Variants in CACNA1C observed in about 807,000 individuals in gnomAD.
CACNA1C encodes voltage-dependent L-type calcium channel subunit alpha-1C.
CACNA1C carries 30 observed loss-of-function variants against 229.0 expected under a neutral mutation model. The ratio of observed to expected loss-of-function variants is 0.13; its 90% CI spans 0.10 to 0.18. CACNA1C has a LOEUF of 0.18. Ranked by LOEUF, CACNA1C falls within the 10% of genes least tolerant of loss-of-function variation. CACNA1C has a pLI of 1.00. For synonymous variants in CACNA1C, 1,114 were observed against 1,132.5 expected (o/e 0.98, Z 0.33); for missense variants, 1,658 against 2,845.0 (o/e 0.58, Z 9.49).
intron 3 of CACNA1C, among the ~76,000 whole-genome samples, chr12:2,391,160 C>A (rs1161428433): frequency 6.6e-6 from 1 of 152,196 alleles, no homozygotes; most frequent in Admixed American, 6.5e-5. Context: ...GGTTTCCCTT[C>A]ATTGAGACAG....
At chr12:2,006,844 A>T (rs1222090155) in intron 1 of CACNA1C, among the ~76,000 whole-genome samples, 1 of 152,208 alleles carries the variant, frequency 6.6e-6, no homozygotes, top group Non-Finnish European at 1.5e-5. Context: ...AACTAGAATA[A>T]ATGTTTCAAT....
chr12:2,351,000 C>T (rs2097187227), intron 3 of CACNA1C, among the ~76,000 whole-genome samples: 2 of 152,248 alleles, frequency 1.3e-5, no homozygotes, highest in South Asian at 4.1e-4. Flanking sequence ...GCAGCTCCAG[C>T]CACTGGCCCT....
At chr12:2,490,090 G>A (rs1286524615) in intron 6 of CACNA1C, among the ~76,000 whole-genome samples, 1 of 152,194 alleles carries the variant, frequency 6.6e-6, no homozygotes, top group Non-Finnish European at 1.5e-5. Context: ...GATCATCACT[G>A]CTTCTTAATT....
intron 3 of CACNA1C, among the ~76,000 whole-genome samples, chr12:2,419,389 A>T (rs1046599082): frequency 6.6e-6 from 1 of 152,134 alleles, no homozygotes; most frequent in African/African-American, 2.4e-5. Context: ...TCCCAAGGAC[A>T]GCACCAAGAC....
chr12:2,489,636 C>T (rs1431610210), intron 6 of CACNA1C, among the ~76,000 whole-genome samples: 2 of 152,198 alleles, frequency 1.3e-5, no homozygotes, highest in Non-Finnish European at 2.9e-5. Flanking sequence ...ATGAAATCAT[C>T]TTCATTCTAT....
chr12:2,469,388 G>A (rs182871610), intron 5 of CACNA1C, among the ~76,000 whole-genome samples: 41 of 152,310 alleles, frequency 2.7e-4, no homozygotes, highest in African/African-American at 9.6e-4. Context: ...CATCTATGCC[G>A]CATTGTGTTG....
At position 2,666,794 on chromosome 12, in the gene CACNA1C, CG is replaced by C; in HGVS notation, c.4623+16del. ...GCGTGGCTTGCAAAGTAAGAGATAA[CG>C]GGGTTCATGGGAGGGAGAGGGAAAA... On this transcript the variant is annotated intron_variant, in intron 37 of 46. Coordinates refer to ENST00000399655, the MANE Select transcript of CACNA1C (RefSeq NM_000719.7). The surrounding 1 kb of genome is among the most constrained non-coding windows in gnomAD (Gnocchi z 5.3). 3.2e-6 allele frequency: 5 copies of C among 1,547,988 alleles called. No homozygotes were observed. The highest frequency in any genetic ancestry group is 8.8e-7 in the Non-Finnish European group (1 of 1,130,564).
intron 7 of CACNA1C, among the ~76,000 whole-genome samples, chr12:2,500,553 AG>A (rs1486637972): frequency 6.6e-6 from 1 of 152,134 alleles, no homozygotes; most frequent in Non-Finnish European, 1.5e-5. Flanking sequence ...CCCAGGCTCC[AG>A]AGGCAGCTTT....
chr12:2,588,678 C>T (rs1197368215), intron 18 of CACNA1C, among the ~76,000 whole-genome samples: 1 of 152,200 alleles, frequency 6.6e-6, no homozygotes, highest in Non-Finnish European at 1.5e-5. Flanking sequence ...CTGAAAAGCT[C>T]GCCAGCTGCT....
intron 10 of CACNA1C, among the ~76,000 whole-genome samples, chr12:2,555,263 C>A (rs964215008): frequency 1.3e-5 from 2 of 152,212 alleles, no homozygotes; most frequent in Admixed American, 6.5e-5. Context: ...ACTTGTGACC[C>A]GCTTGCACTG....
chr12:2,435,292 G>A (rs895049495), intron 3 of CACNA1C, among the ~76,000 whole-genome samples: 7 of 152,206 alleles, frequency 4.6e-5, no homozygotes, highest in Non-Finnish European at 8.8e-5. Flanking sequence ...TTAAACTGCC[G>A]ATTACCAGCA....
At chr12:2,332,275 G>C (rs2154515060) in intron 3 of CACNA1C, among the ~76,000 whole-genome samples, 2 of 152,290 alleles carry the variant, frequency 1.3e-5, no homozygotes, top group Non-Finnish European at 2.9e-5. Flanking sequence ...TTAGCAATTG[G>C]ACCATCTAGG....
At chr12:2,135,353 G>T (rs374581384) in intron 3 of CACNA1C, among the ~76,000 whole-genome samples, 1 of 146,260 alleles carries the variant, frequency 6.8e-6, no homozygotes, top group Non-Finnish European at 1.5e-5. Context: ...CTGGTGAGGA[G>T]CTGCGTTCCT....
In CACNA1C at chr12:2,240,942, G is replaced by A. The variant is rs1448119445; in HGVS notation, c.477+120512G>A. Among the ~76,000 whole-genome samples, 3 of 152,190 alleles carry A rather than the reference G, an allele frequency of 2.0e-5. No homozygotes were observed. In the East Asian group the frequency reaches 5.8e-4, roughly 30 times the overall value. ...TCTGCCAGGGTGGGATCTCGCCAGGGATTATGCTTGCATCTTAACAGGAAT... is the reference window on the plus strand; with the variant it reads ...TCTGCCAGGGTGGGATCTCGCCAGGAATTATGCTTGCATCTTAACAGGAAT... On this transcript the variant is annotated intron_variant, in intron 3 of 46. Transcript: ENST00000399655.
In CACNA1C at chr12:2,585,400, A is replaced by G; in HGVS notation, c.2364A>G (p.Gln788=). The change falls in exon 17 of 47, where the codon CAA becomes CAG. Residue 788 remains glutamine (Q), a synonymous_variant. Transcript: ENST00000399655. This position sits in a 1 kb window ranked among gnomAD's most constrained non-coding sequence, Gnocchi z 4.1. ...GGACTGCCAGCCCAGAGAAGAAACA[A>G]GAGTTGGTGGAGAAGCCGGCAGTGG... ...LARTASPEKK[Q]ELVEKPAVGE... 2 of 1,612,672 alleles carry G rather than the reference A, an allele frequency of 1.2e-6. No homozygotes were observed. The highest frequency in any genetic ancestry group is 1.3e-5 in the African/African-American group (1 of 75,044).
chr12:2,122,243 G>C (rs1371823857), intron 3 of CACNA1C, among the ~76,000 whole-genome samples: 3 of 152,126 alleles, frequency 2.0e-5, no homozygotes, highest in African/African-American at 4.8e-5. Context: ...GAGGTGGTGG[G>C]GCTGCTTGCA....
At chr12:2,686,433 G>T (rs1045203677) in intron 45 of CACNA1C, among the ~76,000 whole-genome samples, 164 bp downstream of exon 45, 14 of 152,246 alleles carry the variant, frequency 9.2e-5, no homozygotes, top group African/African-American at 2.9e-4. Flanking sequence ...TCACACTCCT[G>T]TGCAGGTGAG....
At chr12:2,618,772 G>A (rs1301692969) in intron 29 of CACNA1C, among the ~76,000 whole-genome samples, 2 of 152,202 alleles carry the variant, frequency 1.3e-5, no homozygotes, top group African/African-American at 4.8e-5. Flanking sequence ...AAGGGGAAGT[G>A]GGATGGCCAG....
chr12:2,667,961 T>G (rs2096308962), intron 37 of CACNA1C, among the ~76,000 whole-genome samples: 1 of 152,218 alleles, frequency 6.6e-6, no homozygotes, highest in African/African-American at 2.4e-5. Context: ...CAGAGCTCCG[T>G]GCCAGGGAAG....
Sources: allele counts gnomAD v4.1 joint callset (sites outside exome capture counted in the v4.1 genomes callset), GRCh38; gene constraint gnomAD v4.1.1; non-coding constraint Gnocchi (gnomAD v3.1); transcripts MANE v1.5; gene names NCBI Gene and HGNC (gene_info 2026-07-23, HGNC 2026-07-21).